Variants in ATM observed in about 807,000 individuals in gnomAD.
The protein encoded by ATM is ATM serine/threonine kinase.
A neutral mutation model predicts 387.0 loss-of-function variants in ATM; 308 were observed. The ratio of observed to expected loss-of-function variants is 0.80; its 90% confidence interval spans 0.73 to 0.87. The LOEUF (loss-of-function observed/expected upper bound fraction) is 0.87. Ranked by LOEUF, ATM falls within the 40% of genes least tolerant of loss-of-function variation. The pLI is 0.00. For synonymous variants in ATM, 1,156 were observed against 1,187.3 expected, an observed-to-expected ratio of 0.97 and a Z score of 0.54; for missense variants, 3,312 against 3,560.9, an observed-to-expected ratio of 0.93 and a Z score of 1.78.
intron 31 of ATM, 132 bp downstream of exon 31, chr11:108,293,609 G>C: frequency 2.5e-6 from 2 of 811,942 alleles, no homozygotes; most frequent in South Asian, 1.6e-5. Context: ...ACGTAGGCCA[G>C]GCACATTGGC....
At chr11:108,231,696 C>CAAAAAAAAA (rs144747278) in intron 4 of ATM, 9 of 74,914 alleles carry the variant, frequency 1.2e-4, no homozygotes, top group Non-Finnish European at 1.7e-4. Flanking sequence ...AACTCTGTCT[C>CAAAAAAAAA]AAAAAAAAAA....
intron 53 of ATM, among the ~76,000 whole-genome samples, chr11:108,333,513 C>G (rs1342181325): frequency 6.6e-6 from 1 of 152,162 alleles, no homozygotes; most frequent in East Asian, 1.9e-4. Flanking sequence ...CATATTGTTT[C>G]TCTAAGCAAA....
At chr11:108,267,566 A>G (rs975935180) in intron 17 of ATM, among the ~76,000 whole-genome samples, 4 of 151,902 alleles carry the variant, frequency 2.6e-5, no homozygotes, top group African/African-American at 9.7e-5. Flanking sequence ...ACTATTAAAG[A>G]AATAAAACCA....
intron 18 of ATM, among the ~76,000 whole-genome samples, chr11:108,270,203 C>T (rs1224253923): frequency 6.6e-6 from 1 of 152,090 alleles, no homozygotes; most frequent in African/African-American, 2.4e-5. Flanking sequence ...GTGCATAGTA[C>T]CATAAAGAGC....
At chr11:108,244,237 A>G in intron 6 of ATM, 119 bp downstream of exon 6, 1 of 1,174,128 alleles carries the variant, frequency 8.5e-7, no homozygotes, top group Non-Finnish European at 1.2e-6. Flanking sequence ...CCATCATAAC[A>G]GAACTAGTGG....
At chr11:108,296,314 A>G (rs2083118494) in intron 32 of ATM, among the ~76,000 whole-genome samples, 1 of 151,508 alleles carries the variant, frequency 6.6e-6, no homozygotes. Context: ...GCAGTGGCAC[A>G]GTCTCAGCTC....
At chr11:108,262,166 C>G (rs2080935866) in intron 16 of ATM, among the ~76,000 whole-genome samples, 1 of 152,084 alleles carries the variant, frequency 6.6e-6, no homozygotes, top group African/African-American at 2.4e-5. Context: ...AGAGCAACTC[C>G]AAGACACATA....
intron 5 of ATM, 160 bp downstream of exon 5, chr11:108,235,994 A>G (rs2079258958): frequency 1.4e-6 from 1 of 739,016 alleles, no homozygotes; most frequent in Admixed American, 2.4e-5. Context: ...CTTAATTTTT[A>G]TTTATTATGT....
At chr11:108,256,410 A>T in intron 14 of ATM, 70 bp downstream of exon 14, 1 of 1,512,024 alleles carries the variant, frequency 6.6e-7, no homozygotes. Context: ...AAATTATTAC[A>T]TTTGTTTGGA....
intron 56 of ATM, among the ~76,000 whole-genome samples, chr11:108,342,262 A>C (rs971038248): frequency 2.0e-5 from 3 of 152,192 alleles, no homozygotes; most frequent in Non-Finnish European, 4.4e-5. Context: ...GCAGTATTTC[A>C]TGGAAATGTG....
intron 18 of ATM, 58 bp downstream of exon 18, chr11:108,268,667 T>C: frequency 6.5e-7 from 1 of 1,534,408 alleles, no homozygotes; most frequent in South Asian, 1.1e-5. Context: ...TGACTAAATG[T>C]AATGAGTTGA....
intron 5 of ATM, among the ~76,000 whole-genome samples, chr11:108,240,902 A>C (rs2079523426): frequency 6.6e-6 from 1 of 152,226 alleles, no homozygotes. Context: ...AACTTTAAAA[A>C]TGTTTAAACT....
intron 25 of ATM, 75 bp downstream of exon 25, chr11:108,282,954 C>A (rs1004489527): frequency 1.1e-6 from 1 of 933,652 alleles, no homozygotes. Context: ...GTCCCCTCAC[C>A]AGCAACACAC....
At chr11:108,357,560 A>G (rs540404694) in intron 61 of ATM, among the ~76,000 whole-genome samples, 35 of 152,352 alleles carry the variant, frequency 2.3e-4, no homozygotes, top group South Asian at 1.4e-3. Flanking sequence ...ACAGCTTTGA[A>G]GAGAGTAGTG....
rs1443546936 is a variant in ATM at position 108,341,699 on chromosome 11, A to G, written c.8269-1523A>G. ...AATTAGAACAAAAAGGATCATTTTA[A>G]TATAAAGAACAAGGGATTTATATGA... On this transcript the variant is annotated intron_variant, in intron 56 of 62. Transcript: ENST00000675843. 3.3e-5 allele frequency among the ~76,000 whole-genome samples: 5 copies of G among 152,242 alleles called. No individual in the cohort carries two copies. In the East Asian group the frequency reaches 7.7e-4, roughly 23 times the overall value.
At chr11:108,299,085 C>T (rs1339060251) in intron 33 of ATM, among the ~76,000 whole-genome samples, 2 of 152,118 alleles carry the variant, frequency 1.3e-5, no homozygotes, top group East Asian at 1.9e-4. Context: ...AAGAAGGGCT[C>T]TCAAAAAATT....
intron 22 of ATM, among the ~76,000 whole-genome samples, chr11:108,273,981 G>A (rs1035690588): frequency 6.6e-6 from 1 of 152,118 alleles, no homozygotes; most frequent in Non-Finnish European, 1.5e-5. Context: ...GGTAGAATTC[G>A]GCTGTGAATC....
At chr11:108,278,088 T>C (rs1207221792) in intron 22 of ATM, among the ~76,000 whole-genome samples, 1 of 152,178 alleles carries the variant, frequency 6.6e-6, no homozygotes, top group African/African-American at 2.4e-5. Flanking sequence ...CTGAAAATCA[T>C]TTGAGTAACT....
chr11:108,298,136 A>G (rs645485), intron 33 of ATM, among the ~76,000 whole-genome samples: 81,674 of 152,022 alleles, frequency 0.54, 22,523 homozygotes, highest in Middle Eastern at 0.74. Context: ...ATAAGAAGCC[A>G]ACATCATCTC....
Sources: allele counts gnomAD v4.1 joint callset (sites outside exome capture counted in the v4.1 genomes callset), GRCh38; gene constraint gnomAD v4.1.1; transcripts MANE v1.5; gene names NCBI Gene and HGNC (gene_info 2026-07-23, HGNC 2026-07-21).